ADAM12: variants seen among roughly 807,000 people sequenced by gnomAD.
ADAM12 encodes disintegrin and metalloproteinase domain-containing protein 12.
ADAM12 carries 70 observed loss-of-function variants against 106.4 expected under a neutral mutation model. The observed-to-expected ratio is 0.66, with a 90% CI of 0.54 to 0.80. The LOEUF (loss-of-function observed/expected upper bound fraction) is 0.80, where lower values mean the gene tolerates loss of function less well. ADAM12 is among the 30% of genes least tolerant of loss of function. The probability of loss-of-function intolerance (pLI) is 0.00; values close to 1 mark genes in which losing one functional copy is unlikely to be tolerated. For missense variants in ADAM12, 1,010 were observed against 1,171.9 expected (o/e 0.86, Z 2.02); for synonymous variants, 420 against 433.5 (o/e 0.97, Z 0.39).
intron 3 of ADAM12, among the ~76,000 whole-genome samples, chr10:126,249,043 T>C (rs1958689648): frequency 6.6e-6 from 1 of 151,986 alleles, no homozygotes; most frequent in Admixed American, 6.6e-5. Flanking sequence ...CAGAACCAAC[T>C]ATAGAGTAAA....
At chr10:126,177,816 C>T (rs916064955) in intron 3 of ADAM12, among the ~76,000 whole-genome samples, 5 of 152,128 alleles carry the variant, frequency 3.3e-5, no homozygotes, top group Admixed American at 6.5e-5. Flanking sequence ...GAATTAACTG[C>T]GGCTGAAGTC....
intron 3 of ADAM12, among the ~76,000 whole-genome samples, chr10:126,175,038 G>A (rs971689526): frequency 3.3e-5 from 5 of 152,084 alleles, no homozygotes; most frequent in Non-Finnish European, 7.4e-5. Context: ...TTACAGGCAT[G>A]AGCCACCGCG....
chr10:126,268,998 C>A (rs749069422), intron 3 of ADAM12, among the ~76,000 whole-genome samples: 1 of 152,158 alleles, frequency 6.6e-6, no homozygotes, highest in Non-Finnish European at 1.5e-5. Context: ...GACACAGCAG[C>A]CCCGAGAACC....
chr10:126,128,069 G>A (rs748141372), intron 5 of ADAM12, among the ~76,000 whole-genome samples: 6 of 152,130 alleles, frequency 3.9e-5, no homozygotes, highest in Non-Finnish European at 7.4e-5. Context: ...AGCCAGGCTT[G>A]GGTTTAAGAT....
chr10:126,048,508 T>C (rs1444798623), intron 16 of ADAM12, among the ~76,000 whole-genome samples: 2 of 152,152 alleles, frequency 1.3e-5, no homozygotes, highest in African/African-American at 2.4e-5. Context: ...ATTCTGTCTC[T>C]GCCTCTGTCT....
chr10:126,251,750 T>G (rs1339050079), intron 3 of ADAM12, among the ~76,000 whole-genome samples: 1 of 141,454 alleles, frequency 7.1e-6, no homozygotes, highest in African/African-American at 2.7e-5. Context: ...ATGGATAGAT[T>G]GGATGGATGG....
Position 126,124,823 on chromosome 10 carries a change from C to T in ADAM12, c.417-6599G>A, listed in dbSNP as rs911758265. ...AGGAGAATCACTTGAACCTGGGAGG[C>T]GGAGGTTGCAGTGAGCCAAGATCGC... is the stretch of plus-strand genomic sequence containing the variant. On this transcript the variant is annotated intron_variant, in intron 5 of 22. Coordinates refer to ENST00000448723, the MANE Select transcript of ADAM12 (RefSeq NM_001288973.2). Among the ~76,000 whole-genome samples, 7 of 136,738 alleles carry T rather than the reference C, an allele frequency of 5.1e-5. No individual in the cohort carries two copies. The East Asian group carries it at 6.8e-4, about 13-fold the overall frequency. 89.7% of individuals were successfully genotyped at this position (136,738 alleles called of 152,430 possible). A position where few individuals can be genotyped will look rare whatever the true frequency, so the allele number is the denominator to read the frequency against.
At chr10:126,337,409 C>T (rs1854741363) in intron 1 of ADAM12, among the ~76,000 whole-genome samples, 1 of 152,164 alleles carries the variant, frequency 6.6e-6, no homozygotes. Flanking sequence ...GTCCCAGAGT[C>T]CAAAGGTCAA....
intron 2 of ADAM12, among the ~76,000 whole-genome samples, chr10:126,311,975 TG>T (rs753918970): frequency 6.6e-6 from 1 of 152,204 alleles, no homozygotes; most frequent in Non-Finnish European, 1.5e-5. Context: ...GTGGGTCACC[TG>T]GGGACCCTCT....
chr10:126,331,178 G>A (rs923121592), intron 1 of ADAM12, among the ~76,000 whole-genome samples: 5 of 152,086 alleles, frequency 3.3e-5, no homozygotes, highest in African/African-American at 1.2e-4. Flanking sequence ...CAATCCTCAC[G>A]GAAAGTATAA....
chr10:126,285,814 C>T (rs1034003348), intron 2 of ADAM12, among the ~76,000 whole-genome samples: 1 of 152,096 alleles, frequency 6.6e-6, no homozygotes, highest in African/African-American at 2.4e-5. Flanking sequence ...AAGACGGGTG[C>T]GGCCAGGACC....
rs749549938 is a variant in ADAM12 at position 126,019,717 on chromosome 10, C to T, written c.2638G>A (p.Gly880Arg). The T allele has an allele frequency of 9.3e-6, 15 of 1,613,810 alleles. No homozygotes were observed. The East Asian group carries it at 2.9e-4, about 31-fold the overall frequency. Reference protein sequence around the residue: ...LARTPGQWETGLRLAPLRPAP... With the variant: ...LARTPGQWETRLRLAPLRPAP... Reference sequence around the variant, plus strand: ...AACCTGAGGGGTGCCAGGCGGAGCCCAGTCTCCCATTGTCCTGGGGTCCTG... The same window carrying T: ...AACCTGAGGGGTGCCAGGCGGAGCCTAGTCTCCCATTGTCCTGGGGTCCTG... The change falls in exon 22 of 23, where the codon GGG becomes AGG. Residue 880 changes from glycine to arginine, a missense_variant. Physicochemically the swap from Gly to Arg is moderately radical, Grantham distance 125. Transcript: ENST00000448723.
At chr10:126,317,108 C>T (rs1307564446) in intron 2 of ADAM12, among the ~76,000 whole-genome samples, 1 of 152,162 alleles carries the variant, frequency 6.6e-6, no homozygotes, top group Non-Finnish European at 1.5e-5. Flanking sequence ...ACAGAAACAT[C>T]ACCGCGAGTC....
In ADAM12 at chr10:126,119,460, C is replaced by T. The variant is rs77985155; in HGVS notation, c.417-1236G>A. On this transcript the variant is annotated intron_variant, in intron 5 of 22. Coordinates refer to ENST00000448723, the MANE Select transcript of ADAM12 (RefSeq NM_001288973.2). ...AAGGGCAGATTCATGGATTAGGCATCTGTTAACAGGTTAACTGAAAGACTG... is the reference window on the plus strand; with the variant it reads ...AAGGGCAGATTCATGGATTAGGCATTTGTTAACAGGTTAACTGAAAGACTG... 8.3e-4 allele frequency among the ~76,000 whole-genome samples: 127 copies of T among 152,326 alleles called. 1 individual carries two copies. In the East Asian group the frequency reaches 0.017, roughly 20 times the overall value.
intron 11 of ADAM12, among the ~76,000 whole-genome samples, chr10:126,086,651 CAAAAAAAA>C (rs1171936921): frequency 1.7e-3 from 29 of 16,918 alleles, no homozygotes; most frequent in African/African-American, 5.9e-3. Context: ...GACTCTGCCT[CAAAAAAAA>C]AAAAAAAAAA....
chr10:126,347,286 A>C (rs867079280), intron 1 of ADAM12, among the ~76,000 whole-genome samples: 2 of 152,168 alleles, frequency 1.3e-5, no homozygotes, highest in Non-Finnish European at 2.9e-5. Flanking sequence ...TATGAAGCTT[A>C]GTTTGGCTGG....
rs1029177027 is a variant in ADAM12, at chr10:126,044,474, AGAAAC to A, written c.1996-1331_1996-1327del. Among the ~76,000 whole-genome samples, 16 of 152,326 alleles carry A rather than the reference AGAAAC, an allele frequency of 1.1e-4. No individual in the cohort carries two copies. In the South Asian group the frequency reaches 1.7e-3, roughly 16 times the overall value. ...GTGTCTAAGGTTCCCTTCCACAAAA[AGAAAC>A]GAACTAGAAGTTGTTGATGATGCAT... On this transcript the variant is annotated intron_variant, in intron 17 of 22. Coordinates refer to ENST00000448723, the MANE Select transcript of ADAM12 (RefSeq NM_001288973.2).
chr10:126,018,786 T>C (rs1383055420), intron 22 of ADAM12, among the ~76,000 whole-genome samples: 1 of 152,122 alleles, frequency 6.6e-6, no homozygotes, highest in Admixed American at 6.5e-5. Context: ...CAGGATAAGC[T>C]GTGAAAGGTG....
At chr10:126,103,653 A>C (rs1955709817) in intron 8 of ADAM12, among the ~76,000 whole-genome samples, 1 of 151,702 alleles carries the variant, frequency 6.6e-6, no homozygotes, top group African/African-American at 2.4e-5. Flanking sequence ...GAGCACTAAG[A>C]CTCCCTTCCA....
Sources: allele counts gnomAD v4.1 joint callset (sites outside exome capture counted in the v4.1 genomes callset), GRCh38; gene constraint gnomAD v4.1.1; transcripts MANE v1.5; gene names NCBI Gene and HGNC (gene_info 2026-07-23, HGNC 2026-07-21).